Variants in GALNT13 observed in about 807,000 individuals in gnomAD.
GALNT13 encodes polypeptide N-acetylgalactosaminyltransferase 13, also known as UDP-GalNAc:polypeptide N-acetylgalactosaminyltransferase 13.
GALNT13 carries 28 observed loss-of-function variants against 64.2 expected under a neutral mutation model. The ratio of observed to expected loss-of-function variants is 0.44; its 90% CI spans 0.32 to 0.60. The LOEUF is 0.60. Among genes scored for constraint, GALNT13 ranks in the 20% least tolerant of loss-of-function variants. The probability of loss-of-function intolerance (pLI) is 0.05; values close to 1 mark genes in which losing one functional copy is unlikely to be tolerated. For missense variants in GALNT13, 577 were observed against 669.8 expected (o/e 0.86, Z 1.53); for synonymous variants, 214 against 224.6 (o/e 0.95, Z 0.42).
At chr2:154,189,073 G>T (rs528707727) in intron 4 of GALNT13, among the ~76,000 whole-genome samples, 1 of 152,086 alleles carries the variant, frequency 6.6e-6, no homozygotes, top group Non-Finnish European at 1.5e-5. Flanking sequence ...TAAGGAAAAC[G>T]TTTGGAACTA....
chr2:153,510,590 A>G, the GALNT13 span, among the ~76,000 whole-genome samples: 7 of 152,112 alleles, frequency 4.6e-5, no homozygotes, highest in African/African-American at 1.7e-4. Flanking sequence ...CATTAGAATC[A>G]CCTGGGAGTC....
the GALNT13 span, among the ~76,000 whole-genome samples, chr2:153,729,903 A>G: frequency 1.3e-5 from 2 of 152,006 alleles, no homozygotes; most frequent in Admixed American, 1.3e-4. Context: ...ATCCAGAAAG[A>G]GAACCACAAA....
chr2:154,202,898 C>T (rs572123940), intron 4 of GALNT13, among the ~76,000 whole-genome samples: 7 of 152,156 alleles, frequency 4.6e-5, no homozygotes, highest in Admixed American at 2.6e-4. Flanking sequence ...TTGGATGTTT[C>T]GCTGCAATAG....
chr2:153,593,693 T>C, the GALNT13 span, among the ~76,000 whole-genome samples: 1 of 152,132 alleles, frequency 6.6e-6, no homozygotes, highest in African/African-American at 2.4e-5. Flanking sequence ...GAATCACATC[T>C]CTTTTTCTTA....
At chr2:153,609,085 T>C in the GALNT13 span, among the ~76,000 whole-genome samples, 1 of 145,312 alleles carries the variant, frequency 6.9e-6, no homozygotes, top group Non-Finnish European at 1.5e-5. Context: ...ACCAGCTAAG[T>C]TTTTTTGTTT....
the GALNT13 span, among the ~76,000 whole-genome samples, chr2:153,442,937 T>C: frequency 6.6e-6 from 1 of 152,192 alleles, no homozygotes; most frequent in Non-Finnish European, 1.5e-5. Flanking sequence ...CAGACTGCTG[T>C]GCTTGCAGCA....
At chr2:154,181,177 G>A (rs1341738484) in intron 4 of GALNT13, among the ~76,000 whole-genome samples, 1 of 152,102 alleles carries the variant, frequency 6.6e-6, no homozygotes, top group Admixed American at 6.6e-5. Flanking sequence ...ATACTTTATT[G>A]TTGTATATTT....
At chr2:153,253,959 G>A in the GALNT13 span, among the ~76,000 whole-genome samples, 1 of 152,156 alleles carries the variant, frequency 6.6e-6, no homozygotes, top group African/African-American at 2.4e-5. Context: ...CCCGGCTTTA[G>A]TATCAGGATG....
chr2:154,127,846 A>T (rs1037335330), intron 3 of GALNT13, among the ~76,000 whole-genome samples: 1 of 151,610 alleles, frequency 6.6e-6, no homozygotes, highest in African/African-American at 2.4e-5. Flanking sequence ...ACCTGCATTC[A>T]TATATGTATA....
intron 3 of GALNT13, among the ~76,000 whole-genome samples, chr2:154,024,444 G>A (rs191690939): frequency 1.2e-3 from 184 of 151,490 alleles, no homozygotes; most frequent in African/African-American, 4.1e-3. Flanking sequence ...CATTTATTTC[G>A]TCTTCCATCA....
At chr2:153,504,287 A>C in the GALNT13 span, among the ~76,000 whole-genome samples, 1 of 152,308 alleles carries the variant, frequency 6.6e-6, no homozygotes, top group South Asian at 2.1e-4. Flanking sequence ...TTTTTGGATG[A>C]GTCTTTAGAG....
At chr2:153,160,614 C>T in the GALNT13 span, among the ~76,000 whole-genome samples, 1 of 152,074 alleles carries the variant, frequency 6.6e-6, no homozygotes, top group Non-Finnish European at 1.5e-5. Flanking sequence ...CTCTGTAACT[C>T]ATGAGAAATA....
At chr2:154,162,652 G>A (rs1684800545) in intron 4 of GALNT13, among the ~76,000 whole-genome samples, 2 of 152,120 alleles carry the variant, frequency 1.3e-5, no homozygotes, top group African/African-American at 4.8e-5. Context: ...CATTATTTGT[G>A]TCTTATAAAG....
chr2:153,193,339 C>T, the GALNT13 span, among the ~76,000 whole-genome samples: 10 of 150,918 alleles, frequency 6.6e-5, no homozygotes, highest in East Asian at 2.0e-4. Context: ...AGTAAACTAT[C>T]GCAAGAACAA....
chr2:153,402,052 G>C, the GALNT13 span, among the ~76,000 whole-genome samples: 3 of 146,526 alleles, frequency 2.0e-5, no homozygotes, highest in Non-Finnish European at 4.5e-5. Context: ...GCATGATTTT[G>C]CAGCGGCTGG....
At chr2:153,733,117 C>T in the GALNT13 span, among the ~76,000 whole-genome samples, 1 of 152,112 alleles carries the variant, frequency 6.6e-6, no homozygotes, top group African/African-American at 2.4e-5. Flanking sequence ...CTAATGTCAA[C>T]TACTACTTAC....
chr2:153,494,438 G>A, the GALNT13 span, among the ~76,000 whole-genome samples: 12 of 151,770 alleles, frequency 7.9e-5, no homozygotes, highest in East Asian at 1.5e-3. Context: ...TAGAATAGAG[G>A]GTCTAGAAAT....
the GALNT13 span, among the ~76,000 whole-genome samples, chr2:153,777,128 T>C: frequency 6.7e-6 from 1 of 149,762 alleles, no homozygotes; most frequent in Non-Finnish European, 1.5e-5. Flanking sequence ...ATAGCTATAA[T>C]ATGCAGATCA....
At chr2:153,231,187 C>T in the GALNT13 span, among the ~76,000 whole-genome samples, 103 of 152,254 alleles carry the variant, frequency 6.8e-4, no homozygotes, top group African/African-American at 2.4e-3. Context: ...TGGAATGGTG[C>T]CAGCAGACGC....
Sources: gnomAD v4.1 joint callset for allele counts (sites outside exome capture counted in the v4.1 genomes callset) on GRCh38, gnomAD v4.1.1 for gene constraint, MANE v1.5 for transcripts, NCBI Gene and HGNC (gene_info 2026-07-23, HGNC 2026-07-21) for gene names.